Variants in KCNQ5 observed in about 807,000 individuals in gnomAD.
The protein encoded by KCNQ5 is potassium voltage-gated channel subfamily KQT member 5.
Under a neutral mutation model 98.2 loss-of-function variants are expected in KCNQ5, and 30 were observed. The observed-to-expected ratio is 0.31, with a 90% CI of 0.23 to 0.41. The LOEUF (loss-of-function observed/expected upper bound fraction) is 0.41. Among genes scored for constraint, KCNQ5 ranks in the 10% least tolerant of loss-of-function variants. The probability of loss-of-function intolerance (pLI) is 1.00; values close to 1 mark genes in which losing one functional copy is unlikely to be tolerated. For synonymous variants in KCNQ5, 458 were observed against 449.4 expected (o/e 1.02, Z -0.24); for missense variants, 835 against 1,182.5 (o/e 0.71, Z 4.31).
chr6:72,974,352 C>A (rs1768048534), intron 1 of KCNQ5, among the ~76,000 whole-genome samples: 2 of 151,486 alleles, frequency 1.3e-5, no homozygotes, highest in Admixed American at 1.3e-4. Context: ...TTCTCTCTTC[C>A]CTTCCTCTCC....
chr6:72,688,045 G>T (rs1291929481), intron 1 of KCNQ5, among the ~76,000 whole-genome samples: 1 of 151,918 alleles, frequency 6.6e-6, no homozygotes, highest in South Asian at 2.1e-4. Flanking sequence ...CACCATATTG[G>T]CCAGGGTGGT....
chr6:72,673,319 A>C (rs1767235122), intron 1 of KCNQ5, among the ~76,000 whole-genome samples: 1 of 152,178 alleles, frequency 6.6e-6, no homozygotes. Context: ...AAGCAGTTGA[A>C]AGACACACCC....
chr6:72,751,140 CAT>C (rs1290114663), intron 1 of KCNQ5, among the ~76,000 whole-genome samples: 1 of 151,842 alleles, frequency 6.6e-6, no homozygotes, highest in East Asian at 1.9e-4. Context: ...GAGGGAGACA[CAT>C]AGGAGAGTAA....
At chr6:72,975,568 C>A (rs1433774444) in intron 1 of KCNQ5, among the ~76,000 whole-genome samples, 1 of 152,100 alleles carries the variant, frequency 6.6e-6, no homozygotes, top group South Asian at 2.1e-4. Flanking sequence ...TGGGCAGGTA[C>A]TTTCATGTGT....
chr6:73,015,435 T>A lies in KCNQ5; in HGVS notation c.489+11437T>A, dbSNP rs1238398854. Among the ~76,000 whole-genome samples, 5 of 152,184 alleles carry A rather than the reference T, an allele frequency of 3.3e-5. No individual in the cohort carries two copies. The East Asian group carries it at 9.6e-4, about 29-fold the overall frequency. On this transcript the variant is annotated intron_variant, in intron 2 of 13. Transcript: ENST00000370398. The stretch of plus-strand genomic sequence containing the variant: ...GCCCCATAAAAAGTATTTCAGATAT[T>A]AGAGGAAAGAATTTTTGAAGCTAAA...
chr6:72,797,605 T>C (rs1236064227), intron 1 of KCNQ5, among the ~76,000 whole-genome samples: 3 of 152,162 alleles, frequency 2.0e-5, no homozygotes, highest in Non-Finnish European at 4.4e-5. Flanking sequence ...GTTAATGTTA[T>C]ATTTAATAGG....
intron 1 of KCNQ5, among the ~76,000 whole-genome samples, chr6:72,889,717 C>A (rs1000747418): frequency 6.6e-6 from 1 of 152,028 alleles, no homozygotes; most frequent in African/African-American, 2.4e-5. Context: ...ATAAGTCCCC[C>A]CTGCATAAAG....
Position 73,195,605 on chromosome 6 carries a change from C to A in KCNQ5, c.*191C>A. 2 of 663,286 alleles carry A rather than the reference C, an allele frequency of 3.0e-6. No individual in the cohort carries two copies. The highest frequency in any genetic ancestry group is 5.0e-6 in the Non-Finnish European group (2 of 401,914). 41.1% of individuals were successfully genotyped at this position (663,286 alleles called of 1,614,324 possible). A position where few individuals can be genotyped will look rare whatever the true frequency, so the allele number is the denominator to read the frequency against. ...GGATGGCTAAAATTCCAAGGTGCAT[C>A]GACATTAACCCACTCATTTAGTAAT... is the stretch of plus-strand genomic sequence containing the variant. On this transcript the variant is annotated 3_prime_UTR_variant, in exon 14 of 14. Coordinates refer to ENST00000370398, the MANE Select transcript of KCNQ5 (RefSeq NM_019842.4).
chr6:72,691,718 A>C (rs1358528285), intron 1 of KCNQ5, among the ~76,000 whole-genome samples: 1 of 152,150 alleles, frequency 6.6e-6, no homozygotes, highest in Non-Finnish European at 1.5e-5. Flanking sequence ...TCTCCTGGGC[A>C]CTCTGCATTT....
At chr6:72,628,843 C>T (rs772346864) in intron 1 of KCNQ5, among the ~76,000 whole-genome samples, 18 of 152,050 alleles carry the variant, frequency 1.2e-4, no homozygotes, top group Non-Finnish European at 2.2e-4. Context: ...ATTCTCCTGA[C>T]CTCAAGTGGT....
At chr6:73,108,439 C>T (rs1775090998) in intron 6 of KCNQ5, among the ~76,000 whole-genome samples, 1 of 152,188 alleles carries the variant, frequency 6.6e-6, no homozygotes, top group South Asian at 2.1e-4. Flanking sequence ...ACGATATTAA[C>T]CATTCCATTA....
At chr6:73,189,602 A>G (rs1765510439) in intron 11 of KCNQ5, among the ~76,000 whole-genome samples, 2 of 152,128 alleles carry the variant, frequency 1.3e-5, no homozygotes, top group South Asian at 4.1e-4. Flanking sequence ...ATGGAAGTCT[A>G]TGGGCCATTT....
In KCNQ5 at chr6:73,197,760, C is replaced by G. The variant is rs1355469714; in HGVS notation, c.*2346C>G. 6.6e-6 allele frequency: 1 copy of G among 152,350 alleles called. No homozygotes were observed. Among genetic ancestry groups the G allele is most frequent in the African/African-American group, 2.4e-5 (1 of 41,448 alleles). The allele number at this position is 152,350 out of a possible 1,614,324, so 9.4% of individuals were successfully genotyped here. ...GGTAGCACTGATTCTTGGACATACTCTGTCCTGGGTCAAACCCCACTGGCA... is the reference window on the plus strand; with the variant it reads ...GGTAGCACTGATTCTTGGACATACTGTGTCCTGGGTCAAACCCCACTGGCA... On this transcript the variant is annotated 3_prime_UTR_variant, in exon 14 of 14. Transcript: ENST00000370398.
intron 1 of KCNQ5, among the ~76,000 whole-genome samples, chr6:72,964,009 A>T (rs1193897304): frequency 6.6e-6 from 1 of 152,204 alleles, no homozygotes; most frequent in Non-Finnish European, 1.5e-5. Flanking sequence ...GAAGTCAGTC[A>T]TGATGAGTTT....
At chr6:72,807,546 A>G (rs1325797476) in intron 1 of KCNQ5, among the ~76,000 whole-genome samples, 1 of 152,074 alleles carries the variant, frequency 6.6e-6, no homozygotes, top group Non-Finnish European at 1.5e-5. Flanking sequence ...GTTTTGCTCC[A>G]TCACCCAGGC....
In KCNQ5 at chr6:72,962,200, TAC is replaced by T. The variant is rs1554191160; in HGVS notation, c.399-41706_399-41705del. ...TTCTCTAAATATATATATATATATATACATATATATATATATACACACATATA... is the reference window on the plus strand; with the variant it reads ...TTCTCTAAATATATATATATATATATATATATATATATATACACACATATA... On this transcript the variant is annotated intron_variant, in intron 1 of 13. Coordinates refer to ENST00000370398, the MANE Select transcript of KCNQ5 (RefSeq NM_019842.4). Among the ~76,000 whole-genome samples, 290 of 99,942 alleles carry T rather than the reference TAC, an allele frequency of 2.9e-3. 2 individuals carry two copies. The highest frequency in any genetic ancestry group is 8.8e-3 in the African/African-American group (266 of 30,128). The allele number at this position is 99,942 out of a possible 152,430, so 65.6% of individuals were successfully genotyped here. A position where few individuals can be genotyped will look rare whatever the true frequency, so the allele number is the denominator to read the frequency against.
intron 1 of KCNQ5, among the ~76,000 whole-genome samples, chr6:72,905,685 G>A (rs1340219564): frequency 1.3e-5 from 2 of 152,116 alleles, no homozygotes; most frequent in Non-Finnish European, 2.9e-5. Flanking sequence ...TGGTACTGGG[G>A]GTTGTCGGCA....
chr6:73,186,354 A>G (rs78931405), intron 11 of KCNQ5, among the ~76,000 whole-genome samples: 4,524 of 152,328 alleles, frequency 0.03, 90 homozygotes, highest in East Asian at 0.068. Flanking sequence ...TTTGTTTTCA[A>G]CCCACAACAC....
intron 1 of KCNQ5, among the ~76,000 whole-genome samples, chr6:72,648,033 C>T (rs566807828): frequency 6.6e-6 from 1 of 152,196 alleles, no homozygotes; most frequent in African/African-American, 2.4e-5. Flanking sequence ...GGAACATGTA[C>T]AATCTTGTAT....
Sources: gnomAD v4.1 joint callset for allele counts (sites outside exome capture counted in the v4.1 genomes callset) on GRCh38, gnomAD v4.1.1 for gene constraint, MANE v1.5 for transcripts, NCBI Gene and HGNC (gene_info 2026-07-23, HGNC 2026-07-21) for gene names.